Variants in THSD1 observed in about 807,000 individuals in gnomAD.
THSD1 encodes thrombospondin type-1 domain-containing protein 1.
A neutral mutation model predicts 46.3 loss-of-function variants in THSD1; 34 were observed. That is an observed-to-expected ratio of 0.74 (90% CI 0.56 to 0.98). The LOEUF (loss-of-function observed/expected upper bound fraction) is 0.98. Ranked by LOEUF, THSD1 falls within the 50% of genes least tolerant of loss-of-function variation. The pLI is 0.00. For synonymous variants in THSD1, 407 were observed against 416.5 expected, an observed-to-expected ratio of 0.98 and a Z score of 0.28; for missense variants, 1,023 against 1,058.3, an observed-to-expected ratio of 0.97 and a Z score of 0.46.
At chr13:52,386,327 GAA>G in intron 3 of THSD1, 141 bp from the exon 4 acceptor site, 1 of 794,060 alleles carries the variant, frequency 1.3e-6, no homozygotes, top group Non-Finnish European at 2.0e-6. Context: ...GAAGAAAGCT[GAA>G]AAGAGTTGCT....
intron 3 of THSD1, among the ~76,000 whole-genome samples, chr13:52,396,122 A>C (rs984816836): frequency 6.6e-6 from 1 of 152,206 alleles, no homozygotes; most frequent in Non-Finnish European, 1.5e-5. Flanking sequence ...GAGAAAGCCA[A>C]AGGAAAGGGA....
At chr13:52,379,132 G>C (rs1040315700) in intron 4 of THSD1, among the ~76,000 whole-genome samples, 3 of 152,114 alleles carry the variant, frequency 2.0e-5, no homozygotes, top group African/African-American at 7.2e-5. Flanking sequence ...AAAGTGCTGG[G>C]ATTACAGGTG....
Position 52,378,471 on chromosome 13 carries a change from C to A in THSD1, c.1499G>T (p.Arg500Leu), listed in dbSNP as rs1566959284. The A allele has an allele frequency of 6.2e-7, 1 of 1,614,190 alleles. No individual in the cohort carries two copies. Among genetic ancestry groups the A allele is most frequent in the Middle Eastern group, 1.6e-4 (1 of 6,062 alleles). The change falls in exon 5 of 5, where the codon CGG becomes CTG. Residue 500 changes from arginine (R) to leucine (L), a missense_variant. By Grantham distance (102) the Arg-to-Leu change is moderately radical. This residue lies in a region of THSD1 where 578 missense variants were observed against 497.4 expected (regional missense o/e 1.16). Transcript: ENST00000258613. ...ATCCTCGGGAGGTACCGGCCCGCTC[C>A]GCCTGTAGGTCAGAGGGATGCCTGT... ...GDTGIPLTYR[R>L]SGPVPPEDDA...
intron 4 of THSD1, chr13:52,384,438 A>T (rs192509414): frequency 2.2e-6 from 1 of 455,944 alleles, no homozygotes; most frequent in Non-Finnish European, 4.4e-6. Context: ...CAATGTGGAA[A>T]TAAGAATATG....
intron 3 of THSD1, among the ~76,000 whole-genome samples, chr13:52,393,893 T>C (rs543871793): frequency 6.6e-6 from 1 of 152,302 alleles, no homozygotes; most frequent in South Asian, 2.1e-4. Flanking sequence ...GTCTCAAGCA[T>C]AAATTTCATT....
intron 3 of THSD1, among the ~76,000 whole-genome samples, chr13:52,391,543 C>CAT (rs1355234702): frequency 6.2e-4 from 86 of 137,624 alleles, no homozygotes; most frequent in Middle Eastern, 4.0e-3. Flanking sequence ...TATAATTTTA[C>CAT]ATATATATAT....
At chr13:52,391,751 C>T (rs2137737155) in intron 3 of THSD1, among the ~76,000 whole-genome samples, 1 of 151,894 alleles carries the variant, frequency 6.6e-6, no homozygotes, top group South Asian at 2.1e-4. Context: ...ACTATGTTGG[C>T]CAGGATGGTC....
intron 2 of THSD1, chr13:52,398,506 TG>T (rs1240626960): frequency 4.0e-5 from 39 of 969,688 alleles, no homozygotes; most frequent in Non-Finnish European, 4.8e-5. Flanking sequence ...ACTCTCAAAC[TG>T]CTAAGATTAT....
chr13:52,402,313 G>T (rs753108139), intron 2 of THSD1, among the ~76,000 whole-genome samples: 127 of 152,090 alleles, frequency 8.4e-4, no homozygotes, highest in Non-Finnish European at 1.2e-3. Flanking sequence ...GAGAGAGTTG[G>T]TTTTTTTATT....
rs143883250 is a variant in THSD1, at chr13:52,383,055, T to G, written c.1180+2973A>C. ...GACTGGAGATGTCTTGGGCTTGGAT[T>G]GTCACTCCTGAAAGCTTCTATAGCA... On this transcript the variant is annotated intron_variant, in intron 4 of 4. Coordinates refer to ENST00000258613, the MANE Select transcript of THSD1 (RefSeq NM_018676.4). Among the ~76,000 whole-genome samples the G allele has an allele frequency of 2.4e-4, 37 of 152,160 alleles. 2 individuals carry two copies. In the East Asian group the frequency reaches 7.0e-3, roughly 29 times the overall value.
At chr13:52,379,586 C>T (rs1227480762) in intron 4 of THSD1, among the ~76,000 whole-genome samples, 8 of 152,034 alleles carry the variant, frequency 5.3e-5, no homozygotes, top group Admixed American at 2.6e-4. Flanking sequence ...GTGATTCTCC[C>T]GCCTCAGCCT....
Position 52,397,644 on chromosome 13 carries a change from C to T in THSD1, c.609G>A (p.Glu203=). The T allele has an allele frequency of 6.2e-7, 1 of 1,614,232 alleles. No individual in the cohort carries two copies. Among genetic ancestry groups the T allele is most frequent in the Non-Finnish European group, 8.5e-7 (1 of 1,180,040 alleles). ...RTELAQGQWV[E]FGCAPLGPEA... ...CTGGCCCCAAGGGTGCACAGCCAAACTCAACCCACTGACCTTGAGCAAGTT... is the reference window on the plus strand; with the variant it reads ...CTGGCCCCAAGGGTGCACAGCCAAATTCAACCCACTGACCTTGAGCAAGTT... Residue 203 remains glutamate, a synonymous_variant, in exon 3 of 5, where the codon GAG becomes GAA. Transcript: ENST00000258613.
At chr13:52,402,720 T>A in intron 1 of THSD1, 39 bp from the exon 2 acceptor site, 1 of 1,476,028 alleles carries the variant, frequency 6.8e-7, no homozygotes, top group East Asian at 2.5e-5. Context: ...CTCCGTTCAA[T>A]GTGATTGATA....
chr13:52,384,842 G>T lies in THSD1; in HGVS notation c.1180+1186C>A, dbSNP rs949719109. ...AAGAGCAGACAGAGAAGAGAGCCTT[G>T]GACAACAGTATATCACTGAAGAAAT... On this transcript the variant is annotated intron_variant, in intron 4 of 4. Transcript: ENST00000258613. Among the ~76,000 whole-genome samples the T allele has an allele frequency of 5.9e-5, 9 of 152,028 alleles. No homozygotes were observed. In the South Asian group the frequency reaches 1.7e-3, roughly 28 times the overall value.
intron 3 of THSD1, among the ~76,000 whole-genome samples, chr13:52,394,342 G>A (rs1390024699): frequency 6.6e-6 from 1 of 152,104 alleles, no homozygotes; most frequent in East Asian, 1.9e-4. Context: ...GGCCAGGCAC[G>A]GTGGCTCATG....
At chr13:52,390,134 T>C (rs1957762647) in intron 3 of THSD1, among the ~76,000 whole-genome samples, 3 of 117,044 alleles carry the variant, frequency 2.6e-5, no homozygotes, top group South Asian at 2.8e-4. Flanking sequence ...GAGTGAGACA[T>C]TGTCTCAAAA....
At chr13:52,401,688 T>C (rs773436174) in intron 2 of THSD1, among the ~76,000 whole-genome samples, 1 of 152,214 alleles carries the variant, frequency 6.6e-6, no homozygotes, top group Non-Finnish European at 1.5e-5. Flanking sequence ...AAGAAAAGAC[T>C]GAGAAAGGAG....
At position 52,377,650 on chromosome 13, in the gene THSD1, G is replaced by A. The variant is rs1957643805; in HGVS notation, c.2320C>T (p.Gln774Ter). The A allele has an allele frequency of 1.9e-6, 3 of 1,610,192 alleles. No individual in the cohort carries two copies. The highest frequency in any genetic ancestry group is 1.7e-4 in the Middle Eastern group (1 of 6,046). Residue 774 changes from glutamine (Q) to a stop codon, truncating the protein, a stop_gained, in exon 5 of 5, where the codon CAG becomes TAG. Transcript: ENST00000258613. LOFTEE classifies it high-confidence loss of function. Reference sequence around the variant, plus strand: ...TCTTTGGGGGATATGGGAGAAGACTGCTTCCTTGAGACACTCTTGTGACTG... The same window carrying A: ...TCTTTGGGGGATATGGGAGAAGACTACTTCCTTGAGACACTCTTGTGACTG... ...SPSHKSVSRK[Q>*]SSPISPKDNY...
At chr13:52,394,510 A>G (rs1815669) in intron 3 of THSD1, among the ~76,000 whole-genome samples, 76,015 of 151,650 alleles carry the variant, frequency 0.5, 21,351 homozygotes, top group Middle Eastern at 0.66. Context: ...GCTACTCAGG[A>G]GGCTGAGGCA....
Sources: allele counts gnomAD v4.1 joint callset (sites outside exome capture counted in the v4.1 genomes callset), GRCh38; gene constraint gnomAD v4.1.1; regional missense constraint gnomAD v4.1.1; transcripts MANE v1.5; gene names NCBI Gene and HGNC (gene_info 2026-07-23, HGNC 2026-07-21).